Variants in RGS12 observed in about 807,000 individuals in gnomAD.
The protein encoded by RGS12 is regulator of G-protein signaling 12.
RGS12 carries 66 observed loss-of-function variants against 120.1 expected under a neutral mutation model. The observed-to-expected ratio is 0.55, with a 90% confidence interval of 0.45 to 0.67. The LOEUF (loss-of-function observed/expected upper bound fraction) is 0.67. Among genes scored for constraint, RGS12 ranks in the 30% least tolerant of loss-of-function variants. The probability of loss-of-function intolerance (pLI) is 0.00; values close to 1 mark genes in which losing one functional copy is unlikely to be tolerated. For missense variants in RGS12, 1,859 were observed against 1,957.7 expected, an observed-to-expected ratio of 0.95 and a Z score of 0.95; for synonymous variants, 827 against 804.7, an observed-to-expected ratio of 1.03 and a Z score of -0.47.
chr4:3,315,833 G>T (rs570387065), intron 1 of RGS12, among the ~76,000 whole-genome samples: 1 of 152,212 alleles, frequency 6.6e-6, no homozygotes, highest in Non-Finnish European at 1.5e-5. Flanking sequence ...CCTCACACCC[G>T]TGGCAGGTGG....
rs1206676030 is a variant in RGS12, at chr4:3,389,525, C to T, written c.2020+3088C>T. On this transcript the variant is annotated intron_variant, in intron 4 of 17. Coordinates refer to ENST00000336727, the MANE Select transcript of RGS12 (RefSeq NM_001394154.1). This position sits in a 1 kb window ranked among gnomAD's most constrained non-coding sequence, Gnocchi z 5.2. Reference sequence around the variant, plus strand: ...ACCTCTCACCTCTCCTGGTCTGGCTCTGCACAGAGCTGGAGCCGCGGCCGC... The same window carrying T: ...ACCTCTCACCTCTCCTGGTCTGGCTTTGCACAGAGCTGGAGCCGCGGCCGC... 6.6e-6 allele frequency among the ~76,000 whole-genome samples: 1 copy of T among 152,186 alleles called. No individual in the cohort carries two copies. The highest frequency in any genetic ancestry group is 2.4e-5 in the African/African-American group (1 of 41,420).
intron 3 of RGS12, among the ~76,000 whole-genome samples, chr4:3,349,219 A>C (rs1014105546): frequency 3.3e-5 from 5 of 152,180 alleles, no homozygotes; most frequent in Non-Finnish European, 7.3e-5. Context: ...TAATCATATA[A>C]AATTTATTTC....
intron 4 of RGS12, among the ~76,000 whole-genome samples, chr4:3,395,407 C>T (rs1346527320): frequency 2.6e-5 from 4 of 152,122 alleles, no homozygotes; most frequent in African/African-American, 4.8e-5. Context: ...GACTTTTGGC[C>T]GTTACAGATG....
chr4:3,388,379 T>C (rs944691387), intron 4 of RGS12, among the ~76,000 whole-genome samples: 1 of 152,252 alleles, frequency 6.6e-6, no homozygotes, highest in African/African-American at 2.4e-5. Context: ...TCTTTGCTTA[T>C]AAGAGTAAAA....
At chr4:3,425,404 C>G in intron 13 of RGS12, 60 bp from the exon 14 acceptor site, 1 of 1,439,786 alleles carries the variant, frequency 6.9e-7, no homozygotes, top group South Asian at 1.1e-5. Flanking sequence ...TGGGATCACA[C>G]ACATCTGTTC....
At chr4:3,398,998 T>C (rs1019998620) in intron 4 of RGS12, among the ~76,000 whole-genome samples, 2 of 152,134 alleles carry the variant, frequency 1.3e-5, no homozygotes, top group Non-Finnish European at 2.9e-5. Context: ...CAAAAAAGAA[T>C]TCATACATTT....
chr4:3,338,881 G>T (rs561938977), intron 2 of RGS12, among the ~76,000 whole-genome samples: 45 of 152,264 alleles, frequency 3.0e-4, no homozygotes, highest in Non-Finnish European at 4.6e-4. Context: ...CACCAGCAGG[G>T]GTGCTAAATC....
At chr4:3,304,711 A>G (rs1041130380) in intron 1 of RGS12, among the ~76,000 whole-genome samples, 2 of 152,236 alleles carry the variant, frequency 1.3e-5, no homozygotes, top group African/African-American at 4.8e-5. Context: ...ACCTCCTCAC[A>G]GAGTAGATTT....
intron 9 of RGS12, chr4:3,418,996 C>T (rs1306860392): frequency 9.1e-6 from 1 of 110,464 alleles, no homozygotes; most frequent in Non-Finnish European, 1.7e-5. Flanking sequence ...GCCTGGGCAA[C>T]ATGGTAAGGC....
intron 3 of RGS12, among the ~76,000 whole-genome samples, chr4:3,384,636 C>T (rs1424482440): frequency 6.6e-6 from 1 of 152,236 alleles, no homozygotes; most frequent in Non-Finnish European, 1.5e-5. Flanking sequence ...GGGGTGTGTG[C>T]TCTTTCCCCT....
At chr4:3,367,190 T>A (rs1323122346) in intron 3 of RGS12, among the ~76,000 whole-genome samples, 1 of 152,258 alleles carries the variant, frequency 6.6e-6, no homozygotes, top group African/African-American at 2.4e-5. Context: ...GAGTCCCCGC[T>A]GCACCACAGC....
rs1724508581 is a variant in RGS12, at chr4:3,433,306, C to T, written c.4114+2351C>T. On this transcript the variant is annotated intron_variant, in intron 17 of 17. Coordinates refer to ENST00000336727, the MANE Select transcript of RGS12 (RefSeq NM_001394154.1). The surrounding 1 kb of genome is among the most constrained non-coding windows in gnomAD (Gnocchi z 4.4). ...CAGGAGGTGTAGCCAAGCCCACGGGCTCCCGCCCTCCCCATTGCCATGGTG... is the reference window on the plus strand; with the variant it reads ...CAGGAGGTGTAGCCAAGCCCACGGGTTCCCGCCCTCCCCATTGCCATGGTG... 6.6e-6 allele frequency among the ~76,000 whole-genome samples: 1 copy of T among 152,190 alleles called. No homozygotes were observed. The highest frequency in any genetic ancestry group is 2.4e-5 in the African/African-American group (1 of 41,442).
chr4:3,362,028 C>T (rs16844192), intron 3 of RGS12, among the ~76,000 whole-genome samples: 1 of 152,196 alleles, frequency 6.6e-6, no homozygotes, highest in African/African-American at 2.4e-5. Context: ...CCTCGTCACC[C>T]TCACCCACAG....
At position 3,317,451 on chromosome 4, in the gene RGS12, G is replaced by T; in HGVS notation, c.1281G>T (p.Gly427=). 6.2e-7 allele frequency: 1 copy of T among 1,614,076 alleles called. No individual in the cohort carries two copies. Among genetic ancestry groups the T allele is most frequent in the Non-Finnish European group, 8.5e-7 (1 of 1,180,046 alleles). The change falls in exon 2 of 18, where the codon GGG becomes GGT. Residue 427 remains glycine, a synonymous_variant. Transcript: ENST00000336727. ...GCAGCAACAGTGACAGCGGCATTGG[G>T]AACTTCCACCAGGAGGAGAAGAGCA... The part of the protein sequence containing the change: ...STSSNSDSGI[G]NFHQEEKSNR...
chr4:3,428,850 G>C, intron 16 of RGS12, 139 bp downstream of exon 16: 2 of 738,462 alleles, frequency 2.7e-6, no homozygotes, highest in Non-Finnish European at 4.4e-6. Context: ...TGTTTCTCCC[G>C]GGGGCAGTCT....
At chr4:3,325,860 C>T (rs1183128700) in intron 2 of RGS12, among the ~76,000 whole-genome samples, 1 of 152,108 alleles carries the variant, frequency 6.6e-6, no homozygotes, top group African/African-American at 2.4e-5. Flanking sequence ...GCCAGGGATG[C>T]AAGGATGGTT....
rs183613609 is a variant in RGS12, at chr4:3,308,956, C to T, written c.-101-7114C>T. 8.7e-4 allele frequency among the ~76,000 whole-genome samples: 132 copies of T among 152,266 alleles called. 1 individual carries two copies. The highest frequency in any genetic ancestry group is 2.8e-3 in the African/African-American group (115 of 41,500). On this transcript the variant is annotated intron_variant, in intron 1 of 17. Transcript: ENST00000336727. ...GCCTGCGTGGAGTCCCAGACGCGGT[C>T]GGCACTCGCAGCACTGCTGAATGGC...
At chr4:3,318,696 A>G (rs1033994317) in intron 2 of RGS12, among the ~76,000 whole-genome samples, 1 of 152,222 alleles carries the variant, frequency 6.6e-6, no homozygotes, top group African/African-American at 2.4e-5. Context: ...GGAGCAGGAA[A>G]GAGTAAATGA....
At chr4:3,363,771 T>G (rs1715985747) in intron 3 of RGS12, among the ~76,000 whole-genome samples, 1 of 150,392 alleles carries the variant, frequency 6.6e-6, no homozygotes, top group South Asian at 2.1e-4. Flanking sequence ...GGGAGTGGGG[T>G]CACCAGAGTG....
Sources: gnomAD v4.1 joint callset for allele counts (sites outside exome capture counted in the v4.1 genomes callset) on GRCh38, gnomAD v4.1.1 for gene constraint, Gnocchi (gnomAD v3.1) non-coding constraint, MANE v1.5 for transcripts, NCBI Gene and HGNC (gene_info 2026-07-23, HGNC 2026-07-21) for gene names.